The following FHIT variants were observed in gnomAD, a reference collection of about 807,000 sequenced individuals.
FHIT encodes the protein fragile histidine triad diadenosine triphosphatase, also known as bis(5'-adenosyl)-triphosphatase.
FHIT carries 19 observed loss-of-function variants against 17.9 expected under a neutral mutation model. The observed-to-expected ratio is 1.06, with a 90% CI of 0.74 to 1.56. FHIT has a LOEUF of 1.56. Among genes scored for constraint, FHIT ranks in the 40% most tolerant of loss-of-function variants. The pLI is 0.00. For synonymous variants in FHIT, 81 were observed against 69.7 expected (o/e 1.16, Z -0.81); for missense variants, 248 against 189.2 (o/e 1.31, Z -1.82).
At chr3:60,173,915 A>ATATATATTTTTT in intron 5 of FHIT, among the ~76,000 whole-genome samples, 6 of 66,442 alleles carry the variant, frequency 9.0e-5, no homozygotes, top group African/African-American at 1.3e-4. Flanking sequence ...ATATATATAT[A>ATATATATTTTTT]TGTTTTTTTT....
intron 3 of FHIT, among the ~76,000 whole-genome samples, chr3:60,888,854 C>A (rs1217928569): frequency 6.6e-6 from 1 of 152,094 alleles, no homozygotes; most frequent in African/African-American, 2.4e-5. Flanking sequence ...CTTTTGTATC[C>A]ATCACCCAGT....
intron 5 of FHIT, among the ~76,000 whole-genome samples, chr3:60,330,534 C>T (rs1479679786): frequency 2.0e-5 from 3 of 152,132 alleles, no homozygotes; most frequent in Non-Finnish European, 2.9e-5. Flanking sequence ...AGCATGGCCA[C>T]GAAACTCAGC....
At chr3:60,558,119 G>C (rs188864567) in intron 4 of FHIT, among the ~76,000 whole-genome samples, 34 of 152,146 alleles carry the variant, frequency 2.2e-4, no homozygotes, top group Admixed American at 2.2e-3. Flanking sequence ...TACCTGTGTC[G>C]TCTTTGCCTT....
chr3:61,045,466 T>A (rs371194675), intron 2 of FHIT, among the ~76,000 whole-genome samples: 56 of 152,126 alleles, frequency 3.7e-4, no homozygotes, highest in African/African-American at 1.3e-3. Context: ...GCACCCAATA[T>A]AGGAGCACCC....
At chr3:60,899,457 T>G (rs1164917950) in intron 3 of FHIT, among the ~76,000 whole-genome samples, 3 of 152,218 alleles carry the variant, frequency 2.0e-5, no homozygotes, top group African/African-American at 7.2e-5. Flanking sequence ...CTCACTGTTG[T>G]ATTTTTTCAT....
At chr3:59,979,929 T>C (rs1051042827) in intron 7 of FHIT, among the ~76,000 whole-genome samples, 1 of 152,166 alleles carries the variant, frequency 6.6e-6, no homozygotes, top group African/African-American at 2.4e-5. Context: ...TCTCCAGTCC[T>C]TCCCAGCATA....
chr3:60,072,805 A>T (rs1009516149), intron 5 of FHIT, among the ~76,000 whole-genome samples: 3 of 152,202 alleles, frequency 2.0e-5, no homozygotes, highest in Admixed American at 6.5e-5. Context: ...TGGTATCAGG[A>T]TATGATACTT....
rs572441033 is a variant in FHIT, at chr3:60,530,971, G to C, written c.103+5889C>G. Among the ~76,000 whole-genome samples the C allele has an allele frequency of 8.5e-5, 13 of 152,242 alleles. 1 individual carries two copies. The South Asian group carries it at 1.7e-3, about 19-fold the overall frequency. On this transcript the variant is annotated intron_variant, in intron 5 of 9. Transcript: ENST00000492590. Reference sequence around the variant, plus strand: ...TCCCACAGAAGTAGGAAAAAGAAAGGTCCAACTTAACAGTCACTGCTAAAT... The same window carrying C: ...TCCCACAGAAGTAGGAAAAAGAAAGCTCCAACTTAACAGTCACTGCTAAAT...
chr3:59,832,835 A>C (rs1414871033), intron 8 of FHIT, among the ~76,000 whole-genome samples: 1 of 152,188 alleles, frequency 6.6e-6, no homozygotes, highest in East Asian at 1.9e-4. Flanking sequence ...GTGAAAGACT[A>C]TTTATGTATT....
intron 8 of FHIT, among the ~76,000 whole-genome samples, chr3:59,757,680 C>T (rs1452499391): frequency 6.6e-5 from 10 of 152,142 alleles, no homozygotes; most frequent in South Asian, 2.1e-4. Context: ...CAGAAGCAAA[C>T]GGCTGAATAT....
At chr3:60,927,567 T>G (rs1707701475) in intron 3 of FHIT, among the ~76,000 whole-genome samples, 1 of 149,618 alleles carries the variant, frequency 6.7e-6, no homozygotes, top group Non-Finnish European at 1.5e-5. Flanking sequence ...GCCCATCATC[T>G]GGGATGTGGG....
chr3:61,204,145 A>T (rs1330468594), intron 1 of FHIT, among the ~76,000 whole-genome samples: 1 of 152,248 alleles, frequency 6.6e-6, no homozygotes, highest in Non-Finnish European at 1.5e-5. Context: ...GGCAAAAATA[A>T]ATACTGTGTT....
intron 4 of FHIT, among the ~76,000 whole-genome samples, chr3:60,792,272 G>A (rs1700805182): frequency 6.6e-6 from 1 of 152,168 alleles, no homozygotes; most frequent in Admixed American, 6.6e-5. Flanking sequence ...TTTTTTGTAA[G>A]TGTGTATGTG....
At chr3:60,672,347 T>C (rs1362969969) in intron 4 of FHIT, among the ~76,000 whole-genome samples, 1 of 150,122 alleles carries the variant, frequency 6.7e-6, no homozygotes, top group African/African-American at 2.5e-5. Flanking sequence ...AGGATTTGGG[T>C]AGGTAAAGGA....
chr3:60,684,670 G>T (rs193215986), intron 4 of FHIT, among the ~76,000 whole-genome samples: 1 of 151,864 alleles, frequency 6.6e-6, no homozygotes, highest in Non-Finnish European at 1.5e-5. Flanking sequence ...ATTCCATTGC[G>T]CATCCGTGAC....
At chr3:60,132,546 TTAATA>T (rs1210547871) in intron 5 of FHIT, among the ~76,000 whole-genome samples, 1 of 152,220 alleles carries the variant, frequency 6.6e-6, no homozygotes, top group East Asian at 1.9e-4. Flanking sequence ...TTTAACATAT[TTAATA>T]TATCATCCCT....
intron 5 of FHIT, among the ~76,000 whole-genome samples, chr3:60,029,879 T>TGTGTG (rs1553655670): frequency 2.4e-4 from 32 of 131,402 alleles, no homozygotes; most frequent in African/African-American, 7.5e-4. Context: ...CATAGAAGCA[T>TGTGTG]TGTGTGTGTG....
intron 8 of FHIT, among the ~76,000 whole-genome samples, chr3:59,813,397 T>C (rs1700476928): frequency 6.6e-6 from 1 of 152,164 alleles, no homozygotes; most frequent in Non-Finnish European, 1.5e-5. Flanking sequence ...CCTCGCATTC[T>C]TTCCTGCCAG....
At chr3:60,083,923 A>G (rs1314201204) in intron 5 of FHIT, among the ~76,000 whole-genome samples, 3 of 152,218 alleles carry the variant, frequency 2.0e-5, no homozygotes, top group South Asian at 4.1e-4. Flanking sequence ...GCTCTGCTAT[A>G]GTGCTATTAA....
Sources: allele counts gnomAD v4.1 joint callset (sites outside exome capture counted in the v4.1 genomes callset), GRCh38; gene constraint gnomAD v4.1.1; transcripts MANE v1.5; gene names NCBI Gene and HGNC (gene_info 2026-07-23, HGNC 2026-07-21).